ERO1B: variants seen among roughly 807,000 people sequenced by gnomAD.
The protein encoded by ERO1B is ERO1-like protein beta.
ERO1B carries 49 observed loss-of-function variants against 75.3 expected under a neutral mutation model. The ratio of observed to expected loss-of-function variants is 0.65; its 90% CI spans 0.52 to 0.83. The LOEUF (loss-of-function observed/expected upper bound fraction) is 0.83, where lower values mean the gene tolerates loss of function less well. ERO1B is among the 40% of genes least tolerant of loss of function. ERO1B has a pLI of 0.00. For synonymous variants in ERO1B, 191 were observed against 192.9 expected (o/e 0.99, Z 0.08); for missense variants, 512 against 560.1 (o/e 0.91, Z 0.87).
At chr1:236,243,687 C>A (rs927643899) in intron 5 of ERO1B, among the ~76,000 whole-genome samples, 192 bp from the exon 6 acceptor site, 11 of 151,870 alleles carry the variant, frequency 7.2e-5, no homozygotes, top group Admixed American at 7.2e-4. Flanking sequence ...TATTAATTTC[C>A]TTGAGTAATT....
intron 2 of ERO1B, among the ~76,000 whole-genome samples, chr1:236,257,340 A>C (rs779279519): frequency 6.6e-6 from 1 of 152,190 alleles, no homozygotes; most frequent in Non-Finnish European, 1.5e-5. Flanking sequence ...CCTTCTAGTA[A>C]TACTCACCAT....
chr1:236,248,637 G>A (rs1664943036), intron 5 of ERO1B, among the ~76,000 whole-genome samples: 1 of 152,082 alleles, frequency 6.6e-6, no homozygotes, highest in South Asian at 2.1e-4. Context: ...AAATGTAGCA[G>A]AATGTTAAAT....
chr1:236,253,633 A>G (rs1665093426), intron 2 of ERO1B, 128 bp from the exon 3 acceptor site: 2 of 641,666 alleles, frequency 3.1e-6, no homozygotes, highest in South Asian at 1.9e-5. Context: ...CGTGGCACCT[A>G]TAAGGTTCAG....
At chr1:236,243,636 C>T in intron 5 of ERO1B, 141 bp from the exon 6 acceptor site, 1 of 499,892 alleles carries the variant, frequency 2.0e-6, no homozygotes, top group Non-Finnish European at 3.5e-6. Context: ...TTAGTGATTA[C>T]ATGAAGGGAT....
At chr1:236,274,052 T>G (rs2695036) in intron 1 of ERO1B, among the ~76,000 whole-genome samples, 95,636 of 147,998 alleles carry the variant, frequency 0.65, 31,251 homozygotes, top group East Asian at 0.96. Flanking sequence ...ATCACAGTCT[T>G]GGCTCACTGA....
intron 10 of ERO1B, among the ~76,000 whole-genome samples, chr1:236,229,441 T>G (rs577594159): frequency 1.5e-4 from 22 of 151,056 alleles, no homozygotes; most frequent in African/African-American, 5.1e-4. Flanking sequence ...AAAAAAGAAA[T>G]AATATTCATA....
In ERO1B at chr1:236,252,069, T is replaced by C. The variant is rs753576825; in HGVS notation, c.329A>G (p.Lys110Arg). ...ACTTACCTTATTAGAATGCCCAGCT[T>C]TTATTCCAACCGGAATTTTACTCTT... ...CPESKIPVGI[K>R]AGHSNKYLKM... The change falls in exon 4 of 16, where the codon AAA becomes AGA. Residue 110 changes from lysine (K) to arginine (R), a missense_variant. Lys to Arg is a conservative substitution (Grantham distance 26). Transcript: ENST00000354619. 2 of 1,603,124 alleles carry C rather than the reference T, an allele frequency of 1.2e-6. No homozygotes were observed. The highest frequency in any genetic ancestry group is 3.4e-5 in the Admixed American group (2 of 59,064).
Position 236,218,486 on chromosome 1 carries a change from T to C in ERO1B, c.*30A>G, listed in dbSNP as rs757205529. On this transcript the variant is annotated 3_prime_UTR_variant, in exon 16 of 16. Coordinates refer to ENST00000354619, the MANE Select transcript of ERO1B (RefSeq NM_019891.4). ...TAAAAGGCTTTCCACAGTCACTTTA[T>C]GTCTCTAGTTAGACACATAAAAGCC... The C allele has an allele frequency of 3.5e-6, 5 of 1,422,176 alleles. No homozygotes were observed. Among genetic ancestry groups the C allele is most frequent in the Non-Finnish European group, 4.6e-6 (5 of 1,082,544 alleles). 88.1% of individuals were successfully genotyped at this position (1,422,176 alleles called of 1,614,324 possible).
chr1:236,257,873 C>T (rs1294562771), intron 2 of ERO1B, among the ~76,000 whole-genome samples: 1 of 149,708 alleles, frequency 6.7e-6, no homozygotes, highest in African/African-American at 2.5e-5. Flanking sequence ...ATCATCCAAT[C>T]TGAGGAACAA....
At chr1:236,279,650 A>G (rs1238963963) in intron 1 of ERO1B, among the ~76,000 whole-genome samples, 3 of 142,676 alleles carry the variant, frequency 2.1e-5, no homozygotes, top group African/African-American at 7.9e-5. Context: ...CCAACATGGC[A>G]AAACCCTGTC....
At chr1:236,253,774 C>T (rs1665096391) in intron 2 of ERO1B, among the ~76,000 whole-genome samples, 2 of 152,212 alleles carry the variant, frequency 1.3e-5, no homozygotes, top group African/African-American at 4.8e-5. Context: ...TTCTCTCATG[C>T]ACCCATTTAT....
chr1:236,281,687 C>G lies in ERO1B; in HGVS notation c.97G>C (p.Ala33Pro). Residue 33 changes from alanine (A) to proline (P), a missense_variant, in exon 1 of 16, where the codon GCG becomes CCG. Ala to Pro is a conservative substitution (Grantham distance 27). Coordinates refer to ENST00000354619, the MANE Select transcript of ERO1B (RefSeq NM_019891.4). ...CCGCTATCACTCGGGCTTACCTGCG[C>G]CTCGACGACGCTCCGCAGGAAGCTC... ...TLSFLRSVVEAQVTGVLDDCL... is the reference protein window; with the variant it reads ...TLSFLRSVVEPQVTGVLDDCL... 6.8e-7 allele frequency: 1 copy of G among 1,481,088 alleles called. No homozygotes were observed. Among genetic ancestry groups the G allele is most frequent in the Middle Eastern group, 1.9e-4 (1 of 5,268 alleles). The allele number at this position is 1,481,088 out of a possible 1,614,324, so 91.7% of individuals were successfully genotyped here.
rs758353173 is a variant in ERO1B at position 236,236,335 on chromosome 1, T to C, written c.569A>G (p.Tyr190Cys). The C allele has an allele frequency of 1.2e-6, 2 of 1,614,032 alleles. No individual in the cohort carries two copies. The highest frequency in any genetic ancestry group is 1.7e-6 in the Non-Finnish European group (2 of 1,179,970). The change falls in exon 7 of 16, where the codon TAT (tyrosine) becomes TGT (cysteine). Residue 190 changes from tyrosine to cysteine, a missense_variant. Coordinates refer to ENST00000354619, the MANE Select transcript of ERO1B (RefSeq NM_019891.4). ...CACTCTCCATGCAGAGGTCCCTTTA[T>C]AGCCAGTGTAACGCTCTGGGTTCAG... ...LLLNPERYTG[Y>C]KGTSAWRVWN...
At chr1:236,263,324 C>T (rs1192791462) in intron 2 of ERO1B, among the ~76,000 whole-genome samples, 1 of 152,138 alleles carries the variant, frequency 6.6e-6, no homozygotes, top group African/African-American at 2.4e-5. Context: ...TCTCGGCTCA[C>T]AGCAACTTCC....
At chr1:236,239,886 T>TGTGTGC (rs1664652201) in intron 6 of ERO1B, among the ~76,000 whole-genome samples, 1 of 119,270 alleles carries the variant, frequency 8.4e-6, no homozygotes, top group South Asian at 2.7e-4. Flanking sequence ...TATGTGTGTG[T>TGTGTGC]GTGTGTATAT....
chr1:236,271,971 A>G (rs1665600221), intron 1 of ERO1B, among the ~76,000 whole-genome samples: 2 of 152,156 alleles, frequency 1.3e-5, no homozygotes, highest in South Asian at 4.1e-4. Context: ...GTAACCTTTA[A>G]AAGACTACTG....
rs567180885 is a variant in ERO1B, at chr1:236,222,187, GC to G, written c.1123-178del. On this transcript the variant is annotated intron_variant, in intron 13 of 15. Transcript: ENST00000354619. The stretch of plus-strand genomic sequence containing the variant: ...TGCAGTGGTGCCATCTCGGCTTAGT[GC>G]AACCTCCACCTCCCAGGTTCAAGGG... 1.0e-3 allele frequency among the ~76,000 whole-genome samples: 152 copies of G among 152,314 alleles called. 1 individual carries two copies. The highest frequency in any genetic ancestry group is 1.9e-3 in the Non-Finnish European group (128 of 68,024).
intron 2 of ERO1B, among the ~76,000 whole-genome samples, chr1:236,261,614 T>C (rs1382442001): frequency 1.3e-5 from 2 of 152,098 alleles, no homozygotes; most frequent in South Asian, 2.1e-4. Flanking sequence ...CACTAAAAAC[T>C]AAAACACTAA....
chr1:236,262,964 G>A (rs1298174786), intron 2 of ERO1B, among the ~76,000 whole-genome samples: 2 of 152,034 alleles, frequency 1.3e-5, no homozygotes, highest in Non-Finnish European at 2.9e-5. Context: ...AGATATAAAG[G>A]CCTATACCTC....
Sources: gnomAD v4.1 joint callset for allele counts (sites outside exome capture counted in the v4.1 genomes callset) on GRCh38, gnomAD v4.1.1 for gene constraint, MANE v1.5 for transcripts, NCBI Gene and HGNC (gene_info 2026-07-23, HGNC 2026-07-21) for gene names.